Variants in SULF1 observed in about 807,000 individuals in gnomAD.
The protein encoded by SULF1 is sulfatase 1.
Under a neutral mutation model 110.5 loss-of-function variants are expected in SULF1, and 46 were observed. The observed-to-expected ratio is 0.42, with a 90% CI of 0.33 to 0.53. The LOEUF is 0.53. Ranked by LOEUF, SULF1 falls within the 20% of genes least tolerant of loss-of-function variation. SULF1 has a pLI of 0.12. For missense variants in SULF1, 941 were observed against 1,094.2 expected (o/e 0.86, Z 1.98); for synonymous variants, 371 against 387.1 (o/e 0.96, Z 0.49).
intron 1 of SULF1, among the ~76,000 whole-genome samples, chr8:69,482,692 C>T (rs958110531): frequency 3.3e-5 from 5 of 152,068 alleles, no homozygotes; most frequent in Non-Finnish European, 2.9e-5. Context: ...AGTGTTCTTT[C>T]TACTATTCTT....
upstream of SULF1, among the ~76,000 whole-genome samples, chr8:69,489,063 G>A (rs1482270444): frequency 6.6e-6 from 1 of 152,136 alleles, no homozygotes; most frequent in Non-Finnish European, 1.5e-5. Context: ...ATGAAAGCAG[G>A]GGAGCTCACA....
intron 3 of SULF1, among the ~76,000 whole-genome samples, chr8:69,515,276 G>T (rs1325370383): frequency 6.6e-6 from 1 of 152,130 alleles, no homozygotes; most frequent in African/African-American, 2.4e-5. Context: ...CTTGTCTTCT[G>T]CACACCTGAA....
At chr8:69,510,610 GTTTTTTTTTGT>G (rs1811487452) in intron 3 of SULF1, among the ~76,000 whole-genome samples, 1 of 92,090 alleles carries the variant, frequency 1.1e-5, no homozygotes, top group African/African-American at 4.0e-5. Context: ...TTTTTGGTGG[GTTTTTTTTTGT>G]TTTTTTTTTT....
chr8:69,571,926 C>T (rs17646998), intron 5 of SULF1, among the ~76,000 whole-genome samples: 45,637 of 151,992 alleles, frequency 0.3, 7,340 homozygotes, highest in Middle Eastern at 0.4. Flanking sequence ...TCCTGCACAC[C>T]GTCATCTGTC....
intron 19 of SULF1, among the ~76,000 whole-genome samples, chr8:69,630,524 G>A (rs1249358760): frequency 2.0e-5 from 3 of 152,138 alleles, no homozygotes; most frequent in African/African-American, 7.2e-5. Context: ...TTTCCATTTT[G>A]ATGTCTCTTG....
chr8:69,593,598 G>A (rs1246062893), intron 8 of SULF1, among the ~76,000 whole-genome samples: 1 of 152,116 alleles, frequency 6.6e-6, no homozygotes, highest in African/African-American at 2.4e-5. Context: ...TTCGCTATTG[G>A]CCTGTTAGCT....
chr8:69,646,378 A>G (rs897362002), intron 22 of SULF1, among the ~76,000 whole-genome samples: 4 of 151,762 alleles, frequency 2.6e-5, no homozygotes, highest in African/African-American at 9.7e-5. Flanking sequence ...ATATTAATGT[A>G]TGTAACCCTC....
intron 1 of SULF1, among the ~76,000 whole-genome samples, chr8:69,486,317 T>G (rs1296547822): frequency 9.1e-6 from 1 of 109,722 alleles, no homozygotes; most frequent in Non-Finnish European, 1.7e-5. Flanking sequence ...AAACCAGGCT[T>G]TTTTTAAAAA....
chr8:69,549,393 T>A (rs1349537433), intron 3 of SULF1, among the ~76,000 whole-genome samples: 5 of 152,206 alleles, frequency 3.3e-5, no homozygotes, highest in African/African-American at 1.2e-4. Context: ...TTTCCCCTAC[T>A]GTGATAGATA....
chr8:69,580,412 T>C (rs1805980385), intron 6 of SULF1, among the ~76,000 whole-genome samples: 1 of 152,194 alleles, frequency 6.6e-6, no homozygotes. Flanking sequence ...AGTGATAGCA[T>C]TAAGTATTTA....
chr8:69,598,148 C>A (rs1343820467), intron 8 of SULF1, among the ~76,000 whole-genome samples: 1 of 150,426 alleles, frequency 6.6e-6, no homozygotes, highest in Non-Finnish European at 1.5e-5. Flanking sequence ...GGTTAACGAA[C>A]CATTTTCTTT....
At chr8:69,633,772 G>A (rs931596882) in intron 19 of SULF1, among the ~76,000 whole-genome samples, 7 of 151,990 alleles carry the variant, frequency 4.6e-5, no homozygotes, top group East Asian at 1.9e-4. Context: ...CCATCAACCC[G>A]TCATCTACGT....
chr8:69,532,692 T>G (rs1262793543), intron 3 of SULF1, among the ~76,000 whole-genome samples: 1 of 152,204 alleles, frequency 6.6e-6, no homozygotes, highest in East Asian at 1.9e-4. Context: ...TAGAATCAGT[T>G]TGTTTTTTGT....
intron 1 of SULF1, among the ~76,000 whole-genome samples, chr8:69,485,752 A>G (rs1254595013): frequency 2.6e-5 from 4 of 152,180 alleles, no homozygotes; most frequent in Non-Finnish European, 5.9e-5. Context: ...GCCCTCTGGC[A>G]TGTACAGTTT....
At chr8:69,482,587 TAGAG>T (rs1014102575) in intron 1 of SULF1, among the ~76,000 whole-genome samples, 7 of 151,836 alleles carry the variant, frequency 4.6e-5, no homozygotes, top group African/African-American at 1.5e-4. Context: ...TTTGTATATA[TAGAG>T]AGAGAGGGGC....
intron 19 of SULF1, among the ~76,000 whole-genome samples, chr8:69,630,820 T>C (rs1033427571): frequency 2.0e-5 from 3 of 152,200 alleles, no homozygotes; most frequent in African/African-American, 7.2e-5. Context: ...TGATCAACAT[T>C]GTTTTTTATT....
intron 12 of SULF1, among the ~76,000 whole-genome samples, chr8:69,604,115 A>G (rs1315800841): frequency 6.6e-6 from 1 of 152,218 alleles, no homozygotes; most frequent in Non-Finnish European, 1.5e-5. Flanking sequence ...TGATATATCA[A>G]TTTTTAAAAT....
At chr8:69,617,532 G>T (rs1458501882) in intron 13 of SULF1, among the ~76,000 whole-genome samples, 1 of 148,444 alleles carries the variant, frequency 6.7e-6, no homozygotes. Flanking sequence ...GCCTCCTAAA[G>T]TACTGGGATT....
intron 22 of SULF1, 30 bp from the exon 23 acceptor site, chr8:69,658,475 A>C: frequency 6.5e-7 from 1 of 1,536,172 alleles, no homozygotes; most frequent in African/African-American, 1.4e-5. Flanking sequence ...TTTCTCCACT[A>C]ATGATTCACC....
Sources: allele counts gnomAD v4.1 joint callset (sites outside exome capture counted in the v4.1 genomes callset), GRCh38; gene constraint gnomAD v4.1.1; transcripts MANE v1.5; gene names NCBI Gene and HGNC (gene_info 2026-07-23, HGNC 2026-07-21).